The following CAMK1D variants were observed in gnomAD, a reference collection of about 807,000 sequenced individuals.
The protein encoded by CAMK1D is calcium/calmodulin-dependent protein kinase type 1D.
Under a neutral mutation model 47.7 loss-of-function variants are expected in CAMK1D, and 9 were observed. The observed-to-expected ratio is 0.19, with a 90% CI of 0.11 to 0.33. The LOEUF is 0.33. CAMK1D is among the 10% of genes least tolerant of loss of function. The pLI, the probability that CAMK1D is intolerant of heterozygous loss-of-function variation, is 1.00. For missense variants in CAMK1D, 291 were observed against 488.7 expected, an observed-to-expected ratio of 0.60 and a Z score of 3.81; for synonymous variants, 184 against 184.9, an observed-to-expected ratio of 0.99 and a Z score of 0.04.
intron 3 of CAMK1D, among the ~76,000 whole-genome samples, chr10:12,730,116 AGT>A (rs1834825084): frequency 6.6e-6 from 1 of 152,014 alleles, no homozygotes. Flanking sequence ...AAGCAGGGAG[AGT>A]GTTGGGAGGC....
intron 1 of CAMK1D, among the ~76,000 whole-genome samples, chr10:12,538,837 A>AG (rs1025412994): frequency 9.0e-6 from 1 of 110,884 alleles, no homozygotes; most frequent in African/African-American, 3.5e-5. Flanking sequence ...GTGGTGGGGG[A>AG]GGGGGGCAGT....
intron 2 of CAMK1D, among the ~76,000 whole-genome samples, chr10:12,648,696 C>T (rs925096402): frequency 1.9e-4 from 29 of 152,104 alleles, no homozygotes; most frequent in African/African-American, 7.0e-4. Flanking sequence ...GTCTTGAACT[C>T]CTGACCTCAG....
At chr10:12,741,173 A>G (rs1363623639) in intron 3 of CAMK1D, among the ~76,000 whole-genome samples, 2 of 152,250 alleles carry the variant, frequency 1.3e-5, no homozygotes, top group African/African-American at 2.4e-5. Flanking sequence ...AAGGAAACGC[A>G]TGGATTCTAA....
intron 1 of CAMK1D, among the ~76,000 whole-genome samples, chr10:12,546,724 A>G (rs923057232): frequency 6.7e-6 from 1 of 150,076 alleles, no homozygotes; most frequent in Admixed American, 6.7e-5. Context: ...AAAACCAAAC[A>G]CCGCATGTTC....
At chr10:12,623,504 C>T (rs1839111859) in intron 2 of CAMK1D, among the ~76,000 whole-genome samples, 1 of 143,220 alleles carries the variant, frequency 7.0e-6, no homozygotes. Context: ...TCCTTTCTCC[C>T]TTCCTCCCTC....
At position 12,830,705 on chromosome 10, in the gene CAMK1D, T is replaced by C. The variant is rs1348170037; in HGVS notation, c.*1818T>C. ...CAAGTGCCATTCCTGCAAGTGCCCC[T>C]GCTTCAGCTCTCAGGCCCATCCAAT... On this transcript the variant is annotated 3_prime_UTR_variant, in exon 11 of 11. Transcript: ENST00000619168. 1 of 152,166 alleles carries C rather than the reference T, an allele frequency of 6.6e-6. No homozygotes were observed. Among genetic ancestry groups the C allele is most frequent in the Non-Finnish European group, 1.5e-5 (1 of 68,046 alleles). 9.4% of individuals were successfully genotyped at this position (152,166 alleles called of 1,614,324 possible). A position where few individuals can be genotyped will look rare whatever the true frequency, so the allele number is the denominator to read the frequency against.
At chr10:12,716,655 G>A (rs756268865) in intron 3 of CAMK1D, among the ~76,000 whole-genome samples, 1 of 152,116 alleles carries the variant, frequency 6.6e-6, no homozygotes, top group Non-Finnish European at 1.5e-5. Flanking sequence ...TGAAGGCTAC[G>A]ACTGCGTCAT....
intron 6 of CAMK1D, among the ~76,000 whole-genome samples, chr10:12,807,667 C>CA (rs1838794936): frequency 6.6e-6 from 1 of 152,238 alleles, no homozygotes; most frequent in African/African-American, 2.4e-5. Context: ...CCTTGTCCTG[C>CA]ATTCTTCACA....
At chr10:12,748,646 C>A (rs1051405492) in intron 3 of CAMK1D, among the ~76,000 whole-genome samples, 10 of 152,182 alleles carry the variant, frequency 6.6e-5, no homozygotes, top group African/African-American at 2.4e-4. Flanking sequence ...CCAGAAGATG[C>A]TGTTTACTGT....
intron 8 of CAMK1D, among the ~76,000 whole-genome samples, chr10:12,824,202 T>C (rs934626598): frequency 6.6e-6 from 1 of 150,994 alleles, no homozygotes; most frequent in Non-Finnish European, 1.5e-5. Flanking sequence ...AGCCGGGGAG[T>C]AGTCAACCAG....
intron 3 of CAMK1D, among the ~76,000 whole-genome samples, chr10:12,680,726 T>C (rs549124050): frequency 6.6e-6 from 1 of 152,164 alleles, no homozygotes; most frequent in South Asian, 2.1e-4. Flanking sequence ...GAAGGAAGCA[T>C]TTAGAATTCT....
At chr10:12,640,791 C>T (rs76912147) in intron 2 of CAMK1D, among the ~76,000 whole-genome samples, 4 of 152,014 alleles carry the variant, frequency 2.6e-5, no homozygotes, top group African/African-American at 9.7e-5. Flanking sequence ...AGCCTTTACC[C>T]CAGTGAATTC....
At chr10:12,749,542 TG>T (rs1835839023) in intron 3 of CAMK1D, among the ~76,000 whole-genome samples, 1 of 137,180 alleles carries the variant, frequency 7.3e-6, no homozygotes, top group Admixed American at 7.2e-5. Flanking sequence ...TTTGTTTGTT[TG>T]TTTGTTTTTT....
intron 1 of CAMK1D, 148 bp from the exon 2 acceptor site, chr10:12,553,077 C>T (rs546311810): frequency 6.9e-7 from 1 of 1,453,000 alleles, no homozygotes; most frequent in South Asian, 1.3e-5. Flanking sequence ...AGATGTTTAG[C>T]AAGGAGCCAC....
At chr10:12,797,060 G>T (rs1032679272) in intron 6 of CAMK1D, among the ~76,000 whole-genome samples, 3 of 152,222 alleles carry the variant, frequency 2.0e-5, no homozygotes, top group African/African-American at 7.2e-5. Context: ...TTGGAACAGG[G>T]TATCAGAGCA....
intron 3 of CAMK1D, among the ~76,000 whole-genome samples, chr10:12,712,756 G>C (rs1485034789): frequency 6.6e-6 from 1 of 152,144 alleles, no homozygotes; most frequent in African/African-American, 2.4e-5. Flanking sequence ...CTAACATTCA[G>C]TCCATAACGG....
At chr10:12,508,647 A>G (rs946183190) in intron 1 of CAMK1D, among the ~76,000 whole-genome samples, 2 of 152,220 alleles carry the variant, frequency 1.3e-5, no homozygotes, top group East Asian at 3.8e-4. Context: ...GGTAAATTTT[A>G]TGTGACATAT....
intron 1 of CAMK1D, among the ~76,000 whole-genome samples, chr10:12,503,129 C>G (rs995934675): frequency 6.6e-6 from 1 of 152,164 alleles, no homozygotes; most frequent in African/African-American, 2.4e-5. Flanking sequence ...TACACATATA[C>G]ATGTGCACAC....
chr10:12,445,995 T>G (rs1044285220), intron 1 of CAMK1D, among the ~76,000 whole-genome samples: 4 of 152,216 alleles, frequency 2.6e-5, no homozygotes, highest in African/African-American at 9.6e-5. Flanking sequence ...GTATTCTGTG[T>G]GGGAGGCACC....
Sources: gnomAD v4.1 joint callset for allele counts (sites outside exome capture counted in the v4.1 genomes callset) on GRCh38, gnomAD v4.1.1 for gene constraint, MANE v1.5 for transcripts, NCBI Gene and HGNC (gene_info 2026-07-23, HGNC 2026-07-21) for gene names.